The following LTBP1 variants were observed in gnomAD, a reference collection of about 807,000 sequenced individuals.
LTBP1 encodes the protein latent-transforming growth factor beta-binding protein 1.
Under a neutral mutation model 207.6 loss-of-function variants are expected in LTBP1, and 129 were observed. That is an observed-to-expected ratio of 0.62 (90% confidence interval 0.54 to 0.72). LTBP1 has a LOEUF of 0.72. Among genes scored for constraint, LTBP1 ranks in the 30% least tolerant of loss-of-function variants. LTBP1 has a pLI of 0.00. For synonymous variants in LTBP1, 963 were observed against 833.7 expected (o/e 1.16, Z -2.67); for missense variants, 2,281 against 2,217.2 (o/e 1.03, Z -0.58).
At chr2:33,307,550 G>A (rs915746621) in intron 22 of LTBP1, among the ~76,000 whole-genome samples, 4 of 152,236 alleles carry the variant, frequency 2.6e-5, no homozygotes, top group Non-Finnish European at 5.9e-5. Flanking sequence ...AAAGGAGTGA[G>A]AGGGAATGTA....
intron 23 of LTBP1, among the ~76,000 whole-genome samples, chr2:33,312,279 G>T (rs77097944): frequency 0.019 from 2,911 of 152,266 alleles, 36 homozygotes; most frequent in Middle Eastern, 0.085. Flanking sequence ...GTGTGTGATA[G>T]GCATAAACTT....
At chr2:33,261,072 G>A (rs2092996551) in intron 13 of LTBP1, among the ~76,000 whole-genome samples, 2 of 152,222 alleles carry the variant, frequency 1.3e-5, no homozygotes, top group Non-Finnish European at 2.9e-5. Flanking sequence ...AGAGGGGACA[G>A]CAAGGGTCAT....
chr2:33,308,677 A>G (rs2094135821), intron 22 of LTBP1, among the ~76,000 whole-genome samples: 1 of 152,250 alleles, frequency 6.6e-6, no homozygotes, highest in African/African-American at 2.4e-5. Flanking sequence ...TTATAAAACA[A>G]TGTAATATTT....
rs1179595773 is a variant in LTBP1 at position 33,398,508 on chromosome 2, CCGCCTTGAATT to C, written c.5130_5140del (p.Ala1711ArgfsTer5). ...CCAAACTACTGCACTCCGTTGAATA[CCGCCTTGAATT>C]TAGAGAAAGACAGTGACCTGGAGTG... is the stretch of plus-strand genomic sequence containing the variant. On this transcript the variant is annotated frameshift_variant, in exon 34 of 34. Transcript: ENST00000404816. LOFTEE classifies it high-confidence loss of function. The C allele has an allele frequency of 2.5e-6, 4 of 1,614,146 alleles. No individual in the cohort carries two copies. In the African/African-American group the frequency reaches 5.3e-5, roughly 22 times the overall value.
intron 11 of LTBP1, among the ~76,000 whole-genome samples, chr2:33,254,701 C>G (rs1396930785): frequency 1.4e-5 from 2 of 145,458 alleles, no homozygotes; most frequent in African/African-American, 5.3e-5. Flanking sequence ...CACCCATTAA[C>G]TCGTCATTTA....
chr2:33,073,583 T>C (rs2077913811), intron 3 of LTBP1, among the ~76,000 whole-genome samples: 1 of 152,164 alleles, frequency 6.6e-6, no homozygotes, highest in South Asian at 2.1e-4. Context: ...AATAATTAAA[T>C]TTTATTCAGT....
At chr2:33,303,018 T>C (rs2094017690) in intron 22 of LTBP1, among the ~76,000 whole-genome samples, 1 of 151,080 alleles carries the variant, frequency 6.6e-6, no homozygotes. Context: ...CACACCCCTA[T>C]TGAGAAATAG....
rs1330798596 is a variant in LTBP1 at position 33,277,427 on chromosome 2, T to A, written c.2992+1504T>A. On this transcript the variant is annotated intron_variant, in intron 18 of 33. Coordinates refer to ENST00000404816, the MANE Select transcript of LTBP1 (RefSeq NM_206943.4). ...AGCAGCTCACCACGCCCACAGTAAC[T>A]GCCTGACCTGTAGCCACTGACTTTG... is the stretch of plus-strand genomic sequence containing the variant. Among the ~76,000 whole-genome samples, 7 of 152,292 alleles carry A rather than the reference T, an allele frequency of 4.6e-5. No individual in the cohort carries two copies. In the East Asian group the frequency reaches 1.4e-3, roughly 29 times the overall value.
intron 5 of LTBP1, among the ~76,000 whole-genome samples, chr2:33,145,201 A>G (rs2082926326): frequency 6.6e-6 from 1 of 152,142 alleles, no homozygotes; most frequent in Non-Finnish European, 1.5e-5. Flanking sequence ...ATTTAGACTC[A>G]TGCAATACTT....
At position 33,151,823 on chromosome 2, in the gene LTBP1, TTGTGTGTGTGTGTGTGTGTG is replaced by T. The variant is rs10526529; in HGVS notation, c.1201+16899_1201+16918del. On this transcript the variant is annotated intron_variant, in intron 5 of 33. Coordinates refer to ENST00000404816, the MANE Select transcript of LTBP1 (RefSeq NM_206943.4). The stretch of plus-strand genomic sequence containing the variant: ...TTTTATGGCTGAGTAGTATTCCATT[TTGTGTGTGTGTGTGTGTGTG>T]TGTGTGTGTGTGTGTGTGTGTGTGT... Among the ~76,000 whole-genome samples, 228 of 129,484 alleles carry T rather than the reference TTGTGTGTGTGTGTGTGTGTG, an allele frequency of 1.8e-3. 1 individual carries two copies. The highest frequency in any genetic ancestry group is 0.011 in the East Asian group (50 of 4,540). 84.9% of individuals were successfully genotyped at this position (129,484 alleles called of 152,430 possible). A position where few individuals can be genotyped will look rare whatever the true frequency, so the allele number is the denominator to read the frequency against.
At chr2:33,105,326 A>G (rs2150190419) in intron 3 of LTBP1, among the ~76,000 whole-genome samples, 1 of 152,352 alleles carries the variant, frequency 6.6e-6, no homozygotes, top group Non-Finnish European at 1.5e-5. Context: ...CTAAAAAACA[A>G]TGTACATTAA....
intron 2 of LTBP1, among the ~76,000 whole-genome samples, chr2:33,007,324 T>C (rs1356723490): frequency 1.3e-5 from 2 of 152,234 alleles, no homozygotes; most frequent in African/African-American, 4.8e-5. Context: ...ATGGCATGGC[T>C]TGGATTGCAT....
intron 24 of LTBP1, among the ~76,000 whole-genome samples, chr2:33,330,135 G>T (rs538379684): frequency 1.1e-4 from 17 of 152,158 alleles, no homozygotes; most frequent in Non-Finnish European, 1.9e-4. Context: ...GCATGTGGTT[G>T]TGAATGGTAT....
At chr2:33,276,621 C>T (rs2004437) in intron 18 of LTBP1, among the ~76,000 whole-genome samples, 2,212 of 152,192 alleles carry the variant, frequency 0.015, 22 homozygotes, top group East Asian at 0.025. Flanking sequence ...GAGGTTGAAG[C>T]GGGTGGATCA....
At chr2:33,080,488 G>T (rs1193040307) in intron 3 of LTBP1, among the ~76,000 whole-genome samples, 4 of 152,084 alleles carry the variant, frequency 2.6e-5, no homozygotes, top group South Asian at 4.2e-4. Flanking sequence ...AAGATAAAGA[G>T]AATCTAATAT....
intron 4 of LTBP1, among the ~76,000 whole-genome samples, chr2:33,114,148 G>C (rs931083991): frequency 6.6e-6 from 1 of 152,202 alleles, no homozygotes; most frequent in African/African-American, 2.4e-5. Context: ...AGCCGGTAAA[G>C]GATATCTCTA....
At chr2:33,293,937 G>A (rs2093822643) in intron 20 of LTBP1, among the ~76,000 whole-genome samples, 1 of 144,798 alleles carries the variant, frequency 6.9e-6, no homozygotes, top group South Asian at 2.3e-4. Flanking sequence ...CTCTTCTTTA[G>A]GTATTGAACA....
chr2:33,172,266 G>C (rs372654082), intron 5 of LTBP1, among the ~76,000 whole-genome samples: 3 of 152,074 alleles, frequency 2.0e-5, no homozygotes, highest in Non-Finnish European at 4.4e-5. Context: ...CCCATCTCAC[G>C]TGCAGAGACA....
At chr2:33,063,454 G>A (rs1174623851) in intron 3 of LTBP1, among the ~76,000 whole-genome samples, 1 of 152,010 alleles carries the variant, frequency 6.6e-6, no homozygotes, top group East Asian at 1.9e-4. Context: ...AATGGTATTT[G>A]CAAAAGTGTA....
Sources: gnomAD v4.1 joint callset for allele counts (sites outside exome capture counted in the v4.1 genomes callset) on GRCh38, gnomAD v4.1.1 for gene constraint, MANE v1.5 for transcripts, NCBI Gene and HGNC (gene_info 2026-07-23, HGNC 2026-07-21) for gene names.